The following RBPJ variants were observed in gnomAD, a reference collection of about 807,000 sequenced individuals.
The protein encoded by RBPJ is recombining binding protein suppressor of hairless.
RBPJ carries 9 observed loss-of-function variants against 67.8 expected under a neutral mutation model. The observed-to-expected ratio is 0.13, with a 90% CI of 0.08 to 0.23. RBPJ has a LOEUF of 0.23. RBPJ is among the 10% of genes least tolerant of loss of function. The probability of loss-of-function intolerance (pLI) is 1.00; values close to 1 mark genes in which losing one functional copy is unlikely to be tolerated. For synonymous variants in RBPJ, 198 were observed against 203.3 expected (o/e 0.97, Z 0.22); for missense variants, 305 against 595.6 (o/e 0.51, Z 5.08).
At chr4:26,164,568 C>T (rs1244012574) in intron 1 of RBPJ, among the ~76,000 whole-genome samples, 1 of 152,194 alleles carries the variant, frequency 6.6e-6, no homozygotes, top group Non-Finnish European at 1.5e-5. Context: ...ATGTCTACAA[C>T]ATGGCTGGTA....
intron 1 of RBPJ, among the ~76,000 whole-genome samples, chr4:26,296,407 A>G (rs897769165): frequency 6.6e-6 from 1 of 152,170 alleles, no homozygotes; most frequent in Non-Finnish European, 1.5e-5. Flanking sequence ...ATGTGGCTTT[A>G]TGGACGGTGG....
chr4:26,424,297 C>T lies in RBPJ; in HGVS notation c.497-45C>T. 6.3e-7 allele frequency: 1 copy of T among 1,594,976 alleles called. No homozygotes were observed. Among genetic ancestry groups the T allele is most frequent in the Non-Finnish European group, 8.6e-7 (1 of 1,167,714 alleles). On this transcript the variant is annotated intron_variant, in intron 5 of 10. Coordinates refer to ENST00000355476, the MANE Select transcript of RBPJ (RefSeq NM_015874.6). This position sits in a 1 kb window ranked among gnomAD's most constrained non-coding sequence, Gnocchi z 5.3. ...ATTTCCTTCTTTTGCTCCCTCCCCACCTTCTGCTCCAATCACATAAATAAG... is the reference window on the plus strand; with the variant it reads ...ATTTCCTTCTTTTGCTCCCTCCCCATCTTCTGCTCCAATCACATAAATAAG...
At chr4:26,367,236 A>G (rs1728729530) in intron 1 of RBPJ, among the ~76,000 whole-genome samples, 1 of 152,238 alleles carries the variant, frequency 6.6e-6, no homozygotes, top group South Asian at 2.1e-4. Flanking sequence ...TAATCCCAGC[A>G]CTTTGGGAAG....
chr4:26,132,018 C>A, the RBPJ span, among the ~76,000 whole-genome samples: 1 of 152,116 alleles, frequency 6.6e-6, no homozygotes, highest in Admixed American at 6.5e-5. Context: ...AGTATTTTCA[C>A]AACTGGTACA....
intron 2 of RBPJ, among the ~76,000 whole-genome samples, chr4:26,386,761 A>G (rs1730957781): frequency 6.6e-6 from 1 of 152,176 alleles, no homozygotes; most frequent in African/African-American, 2.4e-5. Flanking sequence ...TTTAAGGAAA[A>G]CAGTTTTTAC....
At chr4:26,166,222 G>A (rs1194128918) in intron 1 of RBPJ, among the ~76,000 whole-genome samples, 8 of 140,654 alleles carry the variant, frequency 5.7e-5, no homozygotes, top group African/African-American at 1.1e-4. Flanking sequence ...TAGTCCTTTG[G>A]GTATATACCC....
chr4:26,241,208 A>T (rs1042020933), intron 1 of RBPJ, among the ~76,000 whole-genome samples: 4 of 151,200 alleles, frequency 2.6e-5, no homozygotes, highest in African/African-American at 7.3e-5. Flanking sequence ...AAAAATAAAA[A>T]AAAAAAAAAA....
At chr4:26,285,905 G>C (rs979047055) in intron 1 of RBPJ, among the ~76,000 whole-genome samples, 1 of 152,036 alleles carries the variant, frequency 6.6e-6, no homozygotes. Flanking sequence ...CAAAATTTTA[G>C]TCCAGACCAG....
intron 1 of RBPJ, among the ~76,000 whole-genome samples, chr4:26,272,290 G>A (rs140869695): frequency 0.02 from 3,007 of 152,274 alleles, 55 homozygotes; most frequent in Middle Eastern, 0.058. Flanking sequence ...CTACAGGCCG[G>A]GCATTGTGGC....
chr4:26,173,887 G>A (rs777083451), intron 1 of RBPJ, among the ~76,000 whole-genome samples: 5 of 152,218 alleles, frequency 3.3e-5, no homozygotes, highest in Admixed American at 6.5e-5. Context: ...TATGTGAGTA[G>A]CTAAGAGACA....
At chr4:26,242,248 C>T (rs1719664001) in intron 1 of RBPJ, among the ~76,000 whole-genome samples, 2 of 151,904 alleles carry the variant, frequency 1.3e-5, no homozygotes, top group Admixed American at 6.6e-5. Flanking sequence ...GAGATCGAGA[C>T]CATCCTGGCT....
intron 1 of RBPJ, among the ~76,000 whole-genome samples, chr4:26,215,200 G>GAAA (rs369304936): frequency 6.0e-5 from 2 of 33,306 alleles, no homozygotes; most frequent in African/African-American, 3.6e-4. Context: ...GAAGGAAAAA[G>GAAA]AGAGAGAAAG....
rs150224132 is a variant in RBPJ at position 26,418,631 on chromosome 4, T to C, written c.322-1920T>C. 2.1e-3 allele frequency among the ~76,000 whole-genome samples: 321 copies of C among 152,302 alleles called. 3 individuals are homozygous for C. The highest frequency in any genetic ancestry group is 0.013 in the South Asian group (64 of 4,824). Reference sequence around the variant, plus strand: ...CTTATTTATGCTGGATTTCAGTATTTTCTCTTTCTGATATGGATCTTACCT... The same window carrying C: ...CTTATTTATGCTGGATTTCAGTATTCTCTCTTTCTGATATGGATCTTACCT... On this transcript the variant is annotated intron_variant, in intron 4 of 10. Transcript: ENST00000355476.
intron 1 of RBPJ, among the ~76,000 whole-genome samples, chr4:26,263,264 C>A (rs1331355500): frequency 4.6e-5 from 7 of 152,184 alleles, no homozygotes; most frequent in Non-Finnish European, 7.3e-5. Flanking sequence ...TTCATCCACA[C>A]ACTTAGACAA....
At chr4:26,124,415 C>CATATATATAT in the RBPJ span, among the ~76,000 whole-genome samples, 437 of 62,368 alleles carry the variant, frequency 7.0e-3, 10 homozygotes, top group Non-Finnish European at 7.6e-3. Context: ...AGTATTCCAT[C>CATATATATAT]ATATATATAT....
the RBPJ span, among the ~76,000 whole-genome samples, chr4:26,145,444 T>A: frequency 1.1e-4 from 16 of 152,314 alleles, no homozygotes; most frequent in South Asian, 2.1e-4. Context: ...GAGAATCCCT[T>A]CATGTCAGTT....
chr4:26,215,144 T>C (rs1434378350), intron 1 of RBPJ, among the ~76,000 whole-genome samples: 2 of 55,022 alleles, frequency 3.6e-5, no homozygotes, highest in East Asian at 9.3e-4. Context: ...GAAGGAAGGA[T>C]GGAGGGAGGG....
At chr4:26,179,578 C>G (rs1232392894) in intron 1 of RBPJ, among the ~76,000 whole-genome samples, 1 of 152,092 alleles carries the variant, frequency 6.6e-6, no homozygotes, top group Admixed American at 6.5e-5. Context: ...CTCAGTATTA[C>G]TGATCATTAG....
chr4:26,191,956 A>C (rs371486713), intron 1 of RBPJ, among the ~76,000 whole-genome samples: 11 of 151,930 alleles, frequency 7.2e-5, no homozygotes, highest in African/African-American at 2.4e-4. Flanking sequence ...TGCTATGTAA[A>C]CTCTTCCACA....
Sources: gnomAD v4.1 joint callset for allele counts (sites outside exome capture counted in the v4.1 genomes callset) on GRCh38, gnomAD v4.1.1 for gene constraint, Gnocchi (gnomAD v3.1) non-coding constraint, MANE v1.5 for transcripts, NCBI Gene and HGNC (gene_info 2026-07-23, HGNC 2026-07-21) for gene names.